Variants in TTC21A observed in about 807,000 individuals in gnomAD.
The protein encoded by TTC21A is tetratricopeptide repeat domain 21A.
A neutral mutation model predicts 156.4 loss-of-function variants in TTC21A; 128 were observed. The ratio of observed to expected loss-of-function variants is 0.82; its 90% CI spans 0.71 to 0.95. TTC21A has a LOEUF of 0.95. Ranked by LOEUF, TTC21A falls within the 40% of genes least tolerant of loss-of-function variation. TTC21A has a pLI of 0.00. For synonymous variants in TTC21A, 587 were observed against 617.1 expected, an observed-to-expected ratio of 0.95 and a Z score of 0.72; for missense variants, 1,435 against 1,602.3, an observed-to-expected ratio of 0.90 and a Z score of 1.78.
At chr3:39,107,945 C>G in intron 1 of TTC21A, 81 bp downstream of exon 1, 1 of 1,542,208 alleles carries the variant, frequency 6.5e-7, no homozygotes, top group East Asian at 2.3e-5. Context: ...TGCTACTCTC[C>G]TGCCACCCTT....
chr3:39,137,889 G>A lies in TTC21A; in HGVS notation c.3675+179G>A, dbSNP rs1041375655. 11 of 694,014 alleles carry A rather than the reference G, an allele frequency of 1.6e-5. No individual in the cohort carries two copies. In the African/African-American group the frequency reaches 2.0e-4, roughly 12 times the overall value. 43.0% of individuals were successfully genotyped at this position (694,014 alleles called of 1,614,324 possible). ...AATAGGAATGAGGATCAAGGGCGATGGACCAGGTGAGAGGAGGTGCACAGG... is the reference window on the plus strand; with the variant it reads ...AATAGGAATGAGGATCAAGGGCGATAGACCAGGTGAGAGGAGGTGCACAGG... On this transcript the variant is annotated intron_variant, in intron 26 of 28. Transcript: ENST00000683103.
Position 39,125,481 on chromosome 3 carries a change from G to A in TTC21A, c.1341G>A (p.Pro447=), listed in dbSNP as rs111520325. 33 of 1,614,060 alleles carry A rather than the reference G, an allele frequency of 2.0e-5. No individual in the cohort carries two copies. The highest frequency in any genetic ancestry group is 3.3e-4 in the Middle Eastern group (2 of 6,060). The change falls in exon 11 of 29, where the codon CCG becomes CCA. Residue 447 remains proline, a synonymous_variant. Transcript: ENST00000683103. ...LGSEYFEKLD[P]YFLVCIAKEY... is the part of the protein sequence containing the mutation. ...CTGAGTACTTTGAAAAGCTGGACCCGTACTTCCTGGTCTGCATTGCTAAGG... is the reference window on the plus strand; with the variant it reads ...CTGAGTACTTTGAAAAGCTGGACCCATACTTCCTGGTCTGCATTGCTAAGG...
chr3:39,128,884 A>G lies in TTC21A; in HGVS notation c.1848A>G (p.Ala616=), dbSNP rs773385698. Residue 616 remains alanine, a synonymous_variant, in exon 14 of 29, where the codon GCA becomes GCG. Coordinates refer to ENST00000683103, the MANE Select transcript of TTC21A (RefSeq NM_001366900.1). ...LRPSVQPSQR[A]SILLELVEAL... ...CCTCTGTGCAGCCTAGCCAGCGGGC[A>G]TCCATCTTATTGGAACTGGTGGAGG... 4 of 1,614,202 alleles carry G rather than the reference A, an allele frequency of 2.5e-6. No individual in the cohort carries two copies. The Admixed American group carries it at 6.7e-5, about 27-fold the overall frequency.
At chr3:39,119,884 C>A in intron 7 of TTC21A, 38 bp from the exon 8 acceptor site, 3 of 1,434,332 alleles carry the variant, frequency 2.1e-6, no homozygotes, top group Non-Finnish European at 2.9e-6. Context: ...TCTGACCTTG[C>A]ACCTTGCATG....
At chr3:39,109,049 G>A in intron 1 of TTC21A, 36 bp from the exon 2 acceptor site, 1 of 1,606,182 alleles carries the variant, frequency 6.2e-7, no homozygotes, top group Non-Finnish European at 8.5e-7. Context: ...ACAGAGAAGG[G>A]ACTGGGCTAT....
In TTC21A at chr3:39,110,465, C is replaced by A. The variant is rs558559147; in HGVS notation, c.268+326C>A. The A allele has an allele frequency of 7.9e-6, 4 of 505,556 alleles. No individual in the cohort carries two copies. In the East Asian group the frequency reaches 1.5e-4, roughly 19 times the overall value. 31.3% of individuals were successfully genotyped at this position (505,556 alleles called of 1,614,324 possible). On this transcript the variant is annotated intron_variant, in intron 3 of 28. Transcript: ENST00000683103. ...ACCAAGCCAATATATATAATTCTAC[C>A]CCTAATCTCCACATTTCTAGAGTCA...
At chr3:39,116,482 C>CCT (rs1183643515) in intron 6 of TTC21A, among the ~76,000 whole-genome samples, 1 of 151,008 alleles carries the variant, frequency 6.6e-6, no homozygotes, top group African/African-American at 2.5e-5. Context: ...TTCTGCCCCC[C>CCT]CCTTTTTTTG....
chr3:39,107,704 G>A lies in TTC21A; in HGVS notation c.-134G>A, dbSNP rs1315016154. Reference sequence around the variant, plus strand: ...CAGACACTGGACGCTCCTAGCAACCGGCTAGCAGCTCGGTTTCCAAGGACT... The same window carrying A: ...CAGACACTGGACGCTCCTAGCAACCAGCTAGCAGCTCGGTTTCCAAGGACT... On this transcript the variant is annotated 5_prime_UTR_variant, in exon 1 of 29. Transcript: ENST00000683103. 2 of 1,379,796 alleles carry A rather than the reference G, an allele frequency of 1.4e-6. No individual in the cohort carries two copies. The highest frequency in any genetic ancestry group is 1.4e-5 in the African/African-American group (1 of 70,190). The allele number at this position is 1,379,796 out of a possible 1,614,324, so 85.5% of individuals were successfully genotyped here. A position where few individuals can be genotyped will look rare whatever the true frequency, so the allele number is the denominator to read the frequency against.
At position 39,137,307 on chromosome 3, in the gene TTC21A, G is replaced by A. The variant is rs745462293; in HGVS notation, c.3370G>A (p.Gly1124Ser). The change falls in exon 25 of 29, where the codon GGC becomes AGC. Residue 1124 changes from glycine (G) to serine (S), a missense_variant. Coordinates refer to ENST00000683103, the MANE Select transcript of TTC21A (RefSeq NM_001366900.1). ...SSQTQLRLLQGLCRLATREKA... is the reference protein window; with the variant it reads ...SSQTQLRLLQSLCRLATREKA... ...CCAGACCCAGCTGCGGCTGCTGCAG[G>A]GCCTCTGCCGGCTGGCCACCAGGGA... 6 of 1,613,970 alleles carry A rather than the reference G, an allele frequency of 3.7e-6. No individual in the cohort carries two copies. The Admixed American group carries it at 1.0e-4, about 27-fold the overall frequency.
intron 19 of TTC21A, chr3:39,131,746 C>A (rs552101483): frequency 6.6e-6 from 1 of 152,384 alleles, no homozygotes; most frequent in Non-Finnish European, 1.5e-5. Context: ...AACATGCTTG[C>A]TCCGGTCTCT....
In TTC21A at chr3:39,130,399, C is replaced by G. The variant is rs2038633308; in HGVS notation, c.2319+41C>G. Reference sequence around the variant, plus strand: ...GGTGTGAAGGGGCAGGGAGGGCCAGCCCAGCAGGGAAGGAGGAGGACGGTA... The same window carrying G: ...GGTGTGAAGGGGCAGGGAGGGCCAGGCCAGCAGGGAAGGAGGAGGACGGTA... On this transcript the variant is annotated intron_variant, in intron 17 of 28. Transcript: ENST00000683103. This position sits in a 1 kb window ranked among gnomAD's most constrained non-coding sequence, Gnocchi z 4.5. The G allele has an allele frequency of 3.3e-6, 5 of 1,519,348 alleles. No individual in the cohort carries two copies. The highest frequency in any genetic ancestry group is 4.5e-6 in the Non-Finnish European group (5 of 1,106,128). The allele number at this position is 1,519,348 out of a possible 1,614,324, so 94.1% of individuals were successfully genotyped here.
chr3:39,130,184 G>GC lies in TTC21A; in HGVS notation c.2208+39dup, dbSNP rs762967795. On this transcript the variant is annotated intron_variant, in intron 16 of 28. Transcript: ENST00000683103. The surrounding 1 kb of genome is among the most constrained non-coding windows in gnomAD (Gnocchi z 4.5). ...AGAGGCCTCACAGCCTTGCCAAGTG[G>GC]CCCCCCAGTCTCCCTTCTCCAGTGG... The GC allele has an allele frequency of 1.1e-5, 18 of 1,612,572 alleles. No homozygotes were observed. Among genetic ancestry groups the GC allele is most frequent in the South Asian group, 6.6e-5 (6 of 90,784 alleles).
In TTC21A at chr3:39,126,535, G is replaced by A. The variant is rs1285680162; in HGVS notation, c.1522+145G>A. On this transcript the variant is annotated intron_variant, in intron 12 of 28. Coordinates refer to ENST00000683103, the MANE Select transcript of TTC21A (RefSeq NM_001366900.1). The stretch of plus-strand genomic sequence containing the variant: ...ACACACACACACTCTCCTTGCCTGG[G>A]GTACTACGCACACACACACACACAT... 5 of 834,552 alleles carry A rather than the reference G, an allele frequency of 6.0e-6. No individual in the cohort carries two copies. The East Asian group carries it at 8.7e-5, about 14-fold the overall frequency. The allele number at this position is 834,552 out of a possible 1,614,324, so 51.7% of individuals were successfully genotyped here.
rs1400109279 is a variant in TTC21A at position 39,109,130 on chromosome 3, C to T, written c.73C>T (p.Gln25Ter). The change falls in exon 2 of 29, where the codon CAG (glutamine) becomes TAG (stop). Residue 25 changes from glutamine to a stop codon, truncating the protein, a stop_gained. Transcript: ENST00000683103. LOFTEE classifies it high-confidence loss of function. Reference protein sequence around the residue: ...YSQEKYFHHVQQAAAVGLEKF... With the variant: ...YSQEKYFHHV Reference sequence around the variant, plus strand: ...CCAGGAAAAGTACTTCCACCATGTGCAGCAGGCTGCAGCTGTGGGCCTGGA... The same window carrying T: ...CCAGGAAAAGTACTTCCACCATGTGTAGCAGGCTGCAGCTGTGGGCCTGGA... The T allele has an allele frequency of 6.2e-7, 1 of 1,614,144 alleles. No homozygotes were observed. Among genetic ancestry groups the T allele is most frequent in the South Asian group, 1.1e-5 (1 of 91,086 alleles).
chr3:39,135,326 C>T, intron 22 of TTC21A, 152 bp downstream of exon 22: 1 of 711,384 alleles, frequency 1.4e-6, no homozygotes, highest in Non-Finnish European at 2.4e-6. Flanking sequence ...CTGATAAAGA[C>T]CCAGTGGAAC....
At chr3:39,120,874 AC>A in intron 8 of TTC21A, 122 bp from the exon 9 acceptor site, 1 of 797,172 alleles carries the variant, frequency 1.3e-6, no homozygotes, top group Non-Finnish European at 2.0e-6. Context: ...GACACACGGT[AC>A]CTCTTGGCTC....
intron 11 of TTC21A, 124 bp downstream of exon 11, chr3:39,125,656 C>A: frequency 1.3e-6 from 1 of 750,002 alleles, no homozygotes. Flanking sequence ...GAGCCTTGGG[C>A]AGCTGGGGAG....
chr3:39,124,234 G>C (rs1024992051), intron 9 of TTC21A, among the ~76,000 whole-genome samples: 2 of 152,072 alleles, frequency 1.3e-5, no homozygotes, highest in African/African-American at 2.4e-5. Context: ...TCCTTCAGTA[G>C]GGCAATAGTT....
intron 3 of TTC21A, 41 bp downstream of exon 3, chr3:39,110,180 G>T: frequency 6.7e-7 from 1 of 1,490,630 alleles, no homozygotes; most frequent in Non-Finnish European, 9.3e-7. Context: ...CCCACCAGGG[G>T]AAGGAAAGCC....
Sources: allele counts gnomAD v4.1 joint callset (sites outside exome capture counted in the v4.1 genomes callset), GRCh38; gene constraint gnomAD v4.1.1; non-coding constraint Gnocchi (gnomAD v3.1); transcripts MANE v1.5; gene names NCBI Gene and HGNC (gene_info 2026-07-23, HGNC 2026-07-21).